The following PCSK6 variants were observed in gnomAD, a reference collection of about 807,000 sequenced individuals.
PCSK6 encodes proprotein convertase subtilisin/kexin type 6.
PCSK6 carries 85 observed loss-of-function variants against 123.3 expected under a neutral mutation model. That is an observed-to-expected ratio of 0.69 (90% CI 0.58 to 0.83). The LOEUF is 0.83. Ranked by LOEUF, PCSK6 falls within the 40% of genes least tolerant of loss-of-function variation. The pLI, the probability that PCSK6 is intolerant of heterozygous loss-of-function variation, is 0.00. For missense variants in PCSK6, 1,191 were observed against 1,282.3 expected (o/e 0.93, Z 1.09); for synonymous variants, 508 against 516.0 (o/e 0.98, Z 0.21).
chr15:101,488,996 G>A (rs926616680), intron 1 of PCSK6, among the ~76,000 whole-genome samples: 2 of 150,224 alleles, frequency 1.3e-5, no homozygotes, highest in East Asian at 2.0e-4. Flanking sequence ...AGCGGCGGAC[G>A]GCGCGCGACG....
chr15:101,356,678 A>T (rs2041053053), intron 13 of PCSK6, among the ~76,000 whole-genome samples: 1 of 142,888 alleles, frequency 7.0e-6, no homozygotes. Context: ...AGACTGTCTC[A>T]AAATAAATAA....
chr15:101,412,531 AGAAAGTCTCAATAAAGAAACT>A (rs1334571775), intron 6 of PCSK6, among the ~76,000 whole-genome samples: 3 of 151,920 alleles, frequency 2.0e-5, no homozygotes, highest in Non-Finnish European at 4.4e-5. Context: ...ATGAAAAAAT[AGAAAGTCTCAATAAAGAAACT>A]GAAAGTCTCA....
intron 2 of PCSK6, among the ~76,000 whole-genome samples, chr15:101,437,481 C>CA (rs35355655): frequency 0.59 from 90,268 of 151,948 alleles, 27,793 homozygotes; most frequent in African/African-American, 0.77. Context: ...CCACCCCCAC[C>CA]ACCACCTCCC....
In PCSK6 at chr15:101,314,657, G is replaced by A. The variant is rs547666553; in HGVS notation, c.2570-1152C>T. On this transcript the variant is annotated intron_variant, in intron 19 of 21. Transcript: ENST00000611716. ...CAGAACCACAGCCGTAAGCCTGGGA[G>A]GGAATTCTGAGCTCCTGCAGGAGAA... is the stretch of plus-strand genomic sequence containing the variant. Among the ~76,000 whole-genome samples, 19 of 152,330 alleles carry A rather than the reference G, an allele frequency of 1.2e-4. No individual in the cohort carries two copies. The South Asian group carries it at 3.3e-3, about 27-fold the overall frequency.
At chr15:101,466,214 C>CA (rs2057456522) in intron 1 of PCSK6, among the ~76,000 whole-genome samples, 1 of 152,060 alleles carries the variant, frequency 6.6e-6, no homozygotes, top group Non-Finnish European at 1.5e-5. Flanking sequence ...TAAACATGAA[C>CA]AAAAATCTGA....
chr15:101,427,614 C>T (rs2056301718), intron 6 of PCSK6, among the ~76,000 whole-genome samples: 1 of 152,216 alleles, frequency 6.6e-6, no homozygotes, highest in African/African-American at 2.4e-5. Context: ...GAGTCAGCAG[C>T]CAGGCCAGCA....
At chr15:101,454,066 G>A (rs1406867856) in intron 1 of PCSK6, among the ~76,000 whole-genome samples, 1 of 152,244 alleles carries the variant, frequency 6.6e-6, no homozygotes, top group Non-Finnish European at 1.5e-5. Context: ...GTGCTGGGCT[G>A]CAGCTCATGG....
chr15:101,433,596 G>A (rs1053526577), intron 2 of PCSK6, among the ~76,000 whole-genome samples: 2 of 152,232 alleles, frequency 1.3e-5, no homozygotes. Context: ...GGAGGAGGCA[G>A]CTAGAGGCAG....
chr15:101,400,589 G>A (rs1010245424), intron 6 of PCSK6, among the ~76,000 whole-genome samples: 1 of 152,254 alleles, frequency 6.6e-6, no homozygotes, highest in Non-Finnish European at 1.5e-5. Context: ...GACCCTGGAG[G>A]TGACACCCTC....
At chr15:101,412,371 G>A (rs2055718760) in intron 6 of PCSK6, among the ~76,000 whole-genome samples, 1 of 152,048 alleles carries the variant, frequency 6.6e-6, no homozygotes, top group Non-Finnish European at 1.5e-5. Context: ...CCATCTGACA[G>A]ACATTTTATT....
At chr15:101,404,709 C>G (rs80135061) in intron 6 of PCSK6, among the ~76,000 whole-genome samples, 1 of 152,128 alleles carries the variant, frequency 6.6e-6, no homozygotes, top group Non-Finnish European at 1.5e-5. Context: ...TAACGAAAAG[C>G]TAAGTTGAGG....
At chr15:101,377,152 C>T (rs373496027) in intron 11 of PCSK6, among the ~76,000 whole-genome samples, 12 of 152,368 alleles carry the variant, frequency 7.9e-5, no homozygotes, top group East Asian at 3.9e-4. Flanking sequence ...CCTGGCCTCA[C>T]CAGCTTGCCC....
At chr15:101,339,977 A>G (rs2040563675) in intron 13 of PCSK6, among the ~76,000 whole-genome samples, 1 of 151,946 alleles carries the variant, frequency 6.6e-6, no homozygotes, top group South Asian at 2.1e-4. Context: ...TATTGTATGT[A>G]TATGTATACA....
chr15:101,320,189 G>A (rs760261832), intron 18 of PCSK6, among the ~76,000 whole-genome samples: 6 of 152,174 alleles, frequency 3.9e-5, no homozygotes, highest in Non-Finnish European at 7.3e-5. Context: ...AGGTTCAAGC[G>A]ATTCTCCTGC....
At chr15:101,389,331 G>C (rs1440495405) in intron 9 of PCSK6, 133 bp downstream of exon 9, 1 of 698,686 alleles carries the variant, frequency 1.4e-6, no homozygotes, top group Non-Finnish European at 2.6e-6. Flanking sequence ...GGTGGTGCAG[G>C]TGCACGACTC....
chr15:101,471,416 T>C (rs2057601720), intron 1 of PCSK6, among the ~76,000 whole-genome samples: 1 of 152,382 alleles, frequency 6.6e-6, no homozygotes, highest in South Asian at 2.1e-4. Flanking sequence ...TTGAATGAAT[T>C]GTATGGCAGA....
At chr15:101,385,265 GC>G (rs112447947) in intron 9 of PCSK6, among the ~76,000 whole-genome samples, 7 of 152,296 alleles carry the variant, frequency 4.6e-5, no homozygotes, top group African/African-American at 1.7e-4. Flanking sequence ...CAATCCTCCT[GC>G]ATTGGCTTCC....
rs914260249 is a variant in PCSK6 at position 101,363,715 on chromosome 15, C to T, written c.1858+2481G>A. Among the ~76,000 whole-genome samples the T allele has an allele frequency of 4.6e-5, 7 of 151,868 alleles. No homozygotes were observed. In the East Asian group the frequency reaches 1.2e-3, roughly 25 times the overall value. On this transcript the variant is annotated intron_variant, in intron 13 of 21. Coordinates refer to ENST00000611716, the MANE Select transcript of PCSK6 (RefSeq NM_002570.5). ...TGCGATCTCGGCTCACTGTAAGCTC[C>T]GCCTCCCGGGTTCAAGCCATTCTCC...
intron 11 of PCSK6, among the ~76,000 whole-genome samples, chr15:101,370,964 A>G (rs1255552381): frequency 6.6e-6 from 1 of 152,096 alleles, no homozygotes; most frequent in Non-Finnish European, 1.5e-5. Flanking sequence ...TGTCTTATAC[A>G]AAGTGGGGGG....
Sources: gnomAD v4.1 joint callset for allele counts (sites outside exome capture counted in the v4.1 genomes callset) on GRCh38, gnomAD v4.1.1 for gene constraint, MANE v1.5 for transcripts, NCBI Gene and HGNC (gene_info 2026-07-23, HGNC 2026-07-21) for gene names.